Variants in PPARA observed in about 807,000 individuals in gnomAD.
PPARA encodes peroxisome proliferator-activated receptor alpha.
A neutral mutation model predicts 42.2 loss-of-function variants in PPARA; 22 were observed. That is an observed-to-expected ratio of 0.52 (90% CI 0.37 to 0.74). The LOEUF is 0.74. Among genes scored for constraint, PPARA ranks in the 30% least tolerant of loss-of-function variants. The probability of loss-of-function intolerance (pLI) is 0.00; values close to 1 mark genes in which losing one functional copy is unlikely to be tolerated. For synonymous variants in PPARA, 242 were observed against 239.3 expected (o/e 1.01, Z -0.10); for missense variants, 465 against 608.2 (o/e 0.76, Z 2.48).
At chr22:46,214,542 G>A (rs1350928520) in intron 4 of PPARA, among the ~76,000 whole-genome samples, 1 of 139,150 alleles carries the variant, frequency 7.2e-6, no homozygotes, top group East Asian at 2.3e-4. Flanking sequence ...AGGAGATGTT[G>A]GGGGGTCAGG....
At chr22:46,155,011 A>C (rs1017713706) in intron 2 of PPARA, 23 of 145,866 alleles carry the variant, frequency 1.6e-4, no homozygotes, top group African/African-American at 4.5e-4. Flanking sequence ...AAAAAAAAAA[A>C]AAAAAAAAAA....
rs191021925 is a variant in PPARA at position 46,215,699 on chromosome 22, G to A, written c.369+366G>A. 3.0e-3 allele frequency among the ~76,000 whole-genome samples: 452 copies of A among 151,722 alleles called. 2 individuals carry two copies. Among genetic ancestry groups the A allele is most frequent in the African/African-American group, 9.7e-3 (399 of 41,332 alleles). ...AGAGGTTGCAGTGAGCCAAGATTGC[G>A]CCACTGCACTCCAGCCTGGGCAACA... On this transcript the variant is annotated intron_variant, in intron 5 of 8. Coordinates refer to ENST00000407236, the MANE Select transcript of PPARA (RefSeq NM_005036.6).
chr22:46,164,159 G>A (rs1926668897), intron 2 of PPARA: 1 of 151,960 alleles, frequency 6.6e-6, no homozygotes, highest in Non-Finnish European at 1.5e-5. Flanking sequence ...GCTGCAGTGA[G>A]CCGAGATCGC....
chr22:46,226,095 CAT>C (rs1203913171), intron 7 of PPARA, among the ~76,000 whole-genome samples: 1 of 151,958 alleles, frequency 6.6e-6, no homozygotes, highest in African/African-American at 2.4e-5. Context: ...TATGCACACA[CAT>C]ACCCTCACCT....
At chr22:46,199,301 T>C (rs1204328746) in intron 4 of PPARA, among the ~76,000 whole-genome samples, 1 of 152,142 alleles carries the variant, frequency 6.6e-6, no homozygotes, top group Non-Finnish European at 1.5e-5. Flanking sequence ...TAAATTGGGA[T>C]GCATTTATAC....
Position 46,225,642 on chromosome 22 carries a change from TA to T in PPARA, c.711+5629del, listed in dbSNP as rs1365625005. The stretch of plus-strand genomic sequence containing the variant: ...ATGTGTACACAAACACACCCACACA[TA>T]CACATGCACCCACACGTGTACACAG... On this transcript the variant is annotated intron_variant, in intron 7 of 8. Transcript: ENST00000407236. This position sits in a 1 kb window ranked among gnomAD's most constrained non-coding sequence, Gnocchi z 4.1. Among the ~76,000 whole-genome samples the T allele has an allele frequency of 2.8e-5, 4 of 140,826 alleles. No homozygotes were observed. The highest frequency in any genetic ancestry group is 4.6e-5 in the Non-Finnish European group (3 of 64,636). The allele number at this position is 140,826 out of a possible 152,430, so 92.4% of individuals were successfully genotyped here.
In PPARA at chr22:46,235,408, C is replaced by T. The variant is rs1800244; in HGVS notation, c.*28C>T. 144 of 1,610,800 alleles carry T rather than the reference C, an allele frequency of 8.9e-5. No homozygotes were observed. The African/African-American group carries it at 1.6e-3, about 18-fold the overall frequency. ...TCCTTCAGATCAGCCACACCTTTTCCAGGAGTTCTGAAGCTGACAGCACTA... is the reference window on the plus strand; with the variant it reads ...TCCTTCAGATCAGCCACACCTTTTCTAGGAGTTCTGAAGCTGACAGCACTA... On this transcript the variant is annotated 3_prime_UTR_variant, in exon 9 of 9. Transcript: ENST00000407236. This position sits in a 1 kb window ranked among gnomAD's most constrained non-coding sequence, Gnocchi z 7.0.
chr22:46,237,249 G>C lies in PPARA; in HGVS notation c.*1869G>C, dbSNP rs1384351541. On this transcript the variant is annotated 3_prime_UTR_variant, in exon 9 of 9. Coordinates refer to ENST00000407236, the MANE Select transcript of PPARA (RefSeq NM_005036.6). This position sits in a 1 kb window ranked among gnomAD's most constrained non-coding sequence, Gnocchi z 6.7. Reference sequence around the variant, plus strand: ...TGTGAGACTTCCACTAGAAAAAAGTGAAAGTTAGGGTTAGGACATCCTTTT... The same window carrying C: ...TGTGAGACTTCCACTAGAAAAAAGTCAAAGTTAGGGTTAGGACATCCTTTT... 6.6e-6 allele frequency: 1 copy of C among 151,928 alleles called. No individual in the cohort carries two copies. Among genetic ancestry groups the C allele is most frequent in the Non-Finnish European group, 1.5e-5 (1 of 68,028 alleles). 9.4% of individuals were successfully genotyped at this position (151,928 alleles called of 1,614,324 possible).
rs755559956 is a variant in PPARA, at chr22:46,225,524, C to T, written c.711+5510C>T. 6.6e-6 allele frequency among the ~76,000 whole-genome samples: 1 copy of T among 152,156 alleles called. No individual in the cohort carries two copies. Among genetic ancestry groups the T allele is most frequent in the Non-Finnish European group, 1.5e-5 (1 of 68,016 alleles). On this transcript the variant is annotated intron_variant, in intron 7 of 8. Transcript: ENST00000407236. The surrounding 1 kb of genome is among the most constrained non-coding windows in gnomAD (Gnocchi z 4.1). The stretch of plus-strand genomic sequence containing the variant: ...ACAAATGCACGCACATACCCACACT[C>T]ACACATCCGTGCACACACGGGTACA...
In PPARA at chr22:46,154,988, T is replaced by TAAAAAAAAAAAAAAA. The variant is rs71190699; in HGVS notation, c.-127+3043_-127+3057dup. 1.9e-4 allele frequency: 6 copies of TAAAAAAAAAAAAAAA among 31,002 alleles called. 2 individuals carry two copies. Among genetic ancestry groups the TAAAAAAAAAAAAAAA allele is most frequent in the African/African-American group, 6.4e-4 (6 of 9,448 alleles). 1.9% of individuals were successfully genotyped at this position (31,002 alleles called of 1,614,324 possible). On this transcript the variant is annotated intron_variant, in intron 2 of 8. Coordinates refer to ENST00000407236, the MANE Select transcript of PPARA (RefSeq NM_005036.6). ...GCACCCGGCATAAGTGGTCTTTCTT[T>TAAAAAAAAAAAAAAA]AAAAAAAAAAAAAAAAAAAAAAAAA...
rs1458512712 is a variant in PPARA at position 46,233,501 on chromosome 22, G to T, written c.1159+1262G>T. Among the ~76,000 whole-genome samples the T allele has an allele frequency of 6.6e-6, 1 of 152,212 alleles. No homozygotes were observed. The highest frequency in any genetic ancestry group is 1.5e-5 in the Non-Finnish European group (1 of 68,040). On this transcript the variant is annotated intron_variant, in intron 8 of 8. Coordinates refer to ENST00000407236, the MANE Select transcript of PPARA (RefSeq NM_005036.6). The surrounding 1 kb of genome is among the most constrained non-coding windows in gnomAD (Gnocchi z 7.3). The stretch of plus-strand genomic sequence containing the variant: ...GGGGGATTGACTCACTGTCAGCATG[G>T]AGCTGACTCAGCCCTACCAGCCGTG...
chr22:46,157,371 C>T (rs1337392107), intron 2 of PPARA, among the ~76,000 whole-genome samples: 2 of 152,170 alleles, frequency 1.3e-5, no homozygotes, highest in African/African-American at 4.8e-5. Context: ...TGATGGCCCG[C>T]TCCATCCCAC....
chr22:46,164,568 G>A (rs1464049282), intron 2 of PPARA: 1 of 152,206 alleles, frequency 6.6e-6, no homozygotes, highest in Admixed American at 6.6e-5. Context: ...ATGCTTTCTT[G>A]ATTTGTCTGT....
In PPARA at chr22:46,198,552, T is replaced by G. The variant is rs1391088757; in HGVS notation, c.169T>G (p.Leu57Val). Residue 57 changes from leucine to valine, a missense_variant, in exon 4 of 9, where the codon TTA becomes GTA. Leu to Val is a conservative substitution (Grantham distance 32). Coordinates refer to ENST00000407236, the MANE Select transcript of PPARA (RefSeq NM_005036.6). ...GSFGFTEYQYLGSCPGSDGSV... is the reference protein window; with the variant it reads ...GSFGFTEYQYVGSCPGSDGSV... Reference sequence around the variant, plus strand: ...CTTTGGCTTTACGGAATACCAGTATTTAGGAAGCTGTCCTGGCTCAGATGG... The same window carrying G: ...CTTTGGCTTTACGGAATACCAGTATGTAGGAAGCTGTCCTGGCTCAGATGG... 1 of 1,614,112 alleles carries G rather than the reference T, an allele frequency of 6.2e-7. No homozygotes were observed. Among genetic ancestry groups the G allele is most frequent in the Non-Finnish European group, 8.5e-7 (1 of 1,180,004 alleles).
rs980799137 is a variant in PPARA, at chr22:46,173,367, T to C, written c.-126-3386T>C. 2.0e-5 allele frequency among the ~76,000 whole-genome samples: 3 copies of C among 152,218 alleles called. No individual in the cohort carries two copies. The highest frequency in any genetic ancestry group is 7.2e-5 in the African/African-American group (3 of 41,450). On this transcript the variant is annotated intron_variant, in intron 2 of 8. Transcript: ENST00000407236. The surrounding 1 kb of genome is among the most constrained non-coding windows in gnomAD (Gnocchi z 4.3). ...GGCAAAATGAAGGGCGTACAAGTTG[T>C]TAGAGAGGCTGGGAGCCTATTTAAG...
chr22:46,198,787 A>C (rs1454146781), intron 4 of PPARA, among the ~76,000 whole-genome samples, 196 bp downstream of exon 4: 1 of 150,912 alleles, frequency 6.6e-6, no homozygotes, highest in Non-Finnish European at 1.5e-5. Flanking sequence ...CAGCCTCCCG[A>C]GTAGCTGGGA....
At chr22:46,166,618 C>CAAAA (rs60478706) in intron 2 of PPARA, among the ~76,000 whole-genome samples, 41 of 105,840 alleles carry the variant, frequency 3.9e-4, no homozygotes, top group African/African-American at 1.3e-3. Context: ...ACTACCATCT[C>CAAAA]AAAAAAAAAA....
Position 46,231,231 on chromosome 22 carries a change from T to G in PPARA, c.712-561T>G, listed in dbSNP as rs1402145244. Among the ~76,000 whole-genome samples, 1 of 151,274 alleles carries G rather than the reference T, an allele frequency of 6.6e-6. No individual in the cohort carries two copies. The highest frequency in any genetic ancestry group is 1.5e-5 in the Non-Finnish European group (1 of 67,764). On this transcript the variant is annotated intron_variant, in intron 7 of 8. Coordinates refer to ENST00000407236, the MANE Select transcript of PPARA (RefSeq NM_005036.6). The surrounding 1 kb of genome is among the most constrained non-coding windows in gnomAD (Gnocchi z 7.7). Reference sequence around the variant, plus strand: ...ACTATGCCTGGCTAATTTTTTTTTTTTTTTTGAGACGGAGTCTCGCTCTGT... The same window carrying G: ...ACTATGCCTGGCTAATTTTTTTTTTGTTTTTGAGACGGAGTCTCGCTCTGT...
chr22:46,220,018 GGTGTTTGCGGCT>G lies in PPARA; in HGVS notation c.711+7_711+18del, dbSNP rs761610611. ...AGGAAAGGCCAGTAACAATCCAGTA[GGTGTTTGCGGCT>G]GTTCTGGGTTCTCTTGGCAACATGG... On this transcript the variant is annotated splice_donor_5th_base_variant and intron_variant, in intron 7 of 8. Coordinates refer to ENST00000407236, the MANE Select transcript of PPARA (RefSeq NM_005036.6). The G allele has an allele frequency of 6.2e-7, 1 of 1,613,724 alleles. No individual in the cohort carries two copies.
Sources: allele counts gnomAD v4.1 joint callset (sites outside exome capture counted in the v4.1 genomes callset), GRCh38; gene constraint gnomAD v4.1.1; non-coding constraint Gnocchi (gnomAD v3.1); transcripts MANE v1.5; gene names NCBI Gene and HGNC (gene_info 2026-07-23, HGNC 2026-07-21).